NUP155: variants seen among roughly 807,000 people sequenced by gnomAD.
The protein encoded by NUP155 is nuclear pore complex protein Nup155.
A neutral mutation model predicts 180.4 loss-of-function variants in NUP155; 71 were observed. That is an observed-to-expected ratio of 0.39 (90% CI 0.33 to 0.48). The LOEUF (loss-of-function observed/expected upper bound fraction) is 0.48, where lower values mean the gene tolerates loss of function less well. Ranked by LOEUF, NUP155 falls within the 20% of genes least tolerant of loss-of-function variation. The pLI is 0.91. For synonymous variants in NUP155, 582 were observed against 559.5 expected, an observed-to-expected ratio of 1.04 and a Z score of -0.57; for missense variants, 1,553 against 1,648.9, an observed-to-expected ratio of 0.94 and a Z score of 1.01.
At chr5:37,366,858 G>T (rs1747618399) in intron 1 of NUP155, among the ~76,000 whole-genome samples, 2 of 151,838 alleles carry the variant, frequency 1.3e-5, no homozygotes, top group South Asian at 4.2e-4. Flanking sequence ...CACCGTGTTA[G>T]CCAGGATGGT....
chr5:37,368,693 G>A (rs1251158958), intron 1 of NUP155, among the ~76,000 whole-genome samples: 1 of 151,942 alleles, frequency 6.6e-6, no homozygotes, highest in Non-Finnish European at 1.5e-5. Flanking sequence ...GAACACCTAT[G>A]ATCCCAGCTA....
At chr5:37,299,139 C>G (rs2150939763) in intron 31 of NUP155, among the ~76,000 whole-genome samples, 161 bp from the exon 32 acceptor site, 1 of 152,290 alleles carries the variant, frequency 6.6e-6, no homozygotes, top group East Asian at 1.9e-4. Context: ...CTGAGATACT[C>G]TCATGTCTTA....
intron 9 of NUP155, among the ~76,000 whole-genome samples, chr5:37,343,229 C>T (rs1287616599): frequency 2.6e-5 from 4 of 152,102 alleles, no homozygotes; most frequent in Non-Finnish European, 5.9e-5. Flanking sequence ...CACCCGCCAC[C>T]ACACCTGGCT....
rs903925776 is a variant in NUP155 at position 37,330,140 on chromosome 5, A to T, written c.1630-8T>A. On this transcript the variant is annotated splice_polypyrimidine_tract_variant and splice_region_variant and intron_variant, in intron 14 of 34. Coordinates refer to ENST00000231498, the MANE Select transcript of NUP155 (RefSeq NM_153485.3). ...TGCACAAGCCTGGTCTTCCTGTGTAAAAAGAGGAATATTGGCCTTATATTA... is the reference window on the plus strand; with the variant it reads ...TGCACAAGCCTGGTCTTCCTGTGTATAAAGAGGAATATTGGCCTTATATTA... 1 of 1,598,464 alleles carries T rather than the reference A, an allele frequency of 6.3e-7. No homozygotes were observed.
intron 9 of NUP155, among the ~76,000 whole-genome samples, chr5:37,347,714 A>C (rs887755844): frequency 1.5e-5 from 2 of 137,436 alleles, no homozygotes; most frequent in African/African-American, 5.5e-5. Context: ...AAAAAAAAAA[A>C]GTCTTGGCCA....
At chr5:37,359,309 C>T (rs1435359552) in intron 3 of NUP155, among the ~76,000 whole-genome samples, 1 of 151,740 alleles carries the variant, frequency 6.6e-6, no homozygotes, top group Non-Finnish European at 1.5e-5. Context: ...TAGGGAAATA[C>T]AAAAATAGAA....
chr5:37,354,820 GGT>G (rs1295951106), intron 4 of NUP155, among the ~76,000 whole-genome samples: 1 of 151,950 alleles, frequency 6.6e-6, no homozygotes, highest in Non-Finnish European at 1.5e-5. Context: ...GGCTGGGCGT[GGT>G]GGCTCACGCC....
At chr5:37,365,300 A>G (rs1025258919) in intron 1 of NUP155, among the ~76,000 whole-genome samples, 19 of 152,082 alleles carry the variant, frequency 1.2e-4, no homozygotes, top group African/African-American at 4.6e-4. Context: ...GAAAGCATGT[A>G]ATTGTATTGT....
chr5:37,334,061 A>G (rs1472049307), intron 12 of NUP155, among the ~76,000 whole-genome samples: 1 of 151,118 alleles, frequency 6.6e-6, no homozygotes, highest in Non-Finnish European at 1.5e-5. Flanking sequence ...TCGGCCTCCC[A>G]AAGCGCTGGG....
chr5:37,337,629 A>G (rs1419052036), intron 12 of NUP155, among the ~76,000 whole-genome samples, 189 bp downstream of exon 12: 1 of 152,126 alleles, frequency 6.6e-6, no homozygotes, highest in Non-Finnish European at 1.5e-5. Context: ...TTTTTTTGTG[A>G]TTACCACAGT....
At position 37,298,935 on chromosome 5, in the gene NUP155, A is replaced by G; in HGVS notation, c.3726T>C (p.His1242=). 3.1e-6 allele frequency: 5 copies of G among 1,613,408 alleles called. No individual in the cohort carries two copies. Among genetic ancestry groups the G allele is most frequent in the Non-Finnish European group, 4.2e-6 (5 of 1,179,322 alleles). Residue 1242 remains histidine (H), a synonymous_variant, in exon 32 of 35, where the codon CAT becomes CAC. Transcript: ENST00000231498. ...GGAGAACAATCTTGAGACTAAGAGC[A>G]TGCATTCTATCCGAGGAGCTCAATG... The part of the protein sequence containing the change: ...SVTLSSSDRM[H]ALSLKIVLLG...
At chr5:37,299,014 T>C in intron 31 of NUP155, 36 bp from the exon 32 acceptor site, 1 of 1,182,268 alleles carries the variant, frequency 8.5e-7, no homozygotes, top group Non-Finnish European at 1.3e-6. Flanking sequence ...AAACCCAAAT[T>C]ACTTTTAATG....
rs868542942 is a variant in NUP155, at chr5:37,370,517, C to T, written c.157+304G>A. The T allele has an allele frequency of 4.8e-5, 28 of 581,500 alleles. 2 individuals carry two copies. Among genetic ancestry groups the T allele is most frequent in the Middle Eastern group, 5.3e-4 (1 of 1,876 alleles). The allele number at this position is 581,500 out of a possible 1,614,324, so 36.0% of individuals were successfully genotyped here. On this transcript the variant is annotated intron_variant, in intron 1 of 34. Transcript: ENST00000231498. ...TTGGGACTTGGATCTGGAGATGCTT[C>T]TCATATGGCCTTAGCCATAAGCACT...
intron 21 of NUP155, among the ~76,000 whole-genome samples, chr5:37,316,650 A>C (rs1474495510): frequency 3.3e-5 from 5 of 151,724 alleles, no homozygotes; most frequent in Non-Finnish European, 7.4e-5. Context: ...TTTTTGGTAG[A>C]GATGGGGTTT....
At chr5:37,317,925 T>C in intron 21 of NUP155, 63 bp downstream of exon 21, 2 of 872,508 alleles carry the variant, frequency 2.3e-6, no homozygotes, top group South Asian at 2.6e-5. Context: ...CATTGTTTTC[T>C]ATTCAAGTAA....
intron 29 of NUP155, 66 bp downstream of exon 29, chr5:37,302,713 T>C: frequency 2.6e-6 from 4 of 1,530,002 alleles, no homozygotes; most frequent in South Asian, 1.1e-5. Context: ...AAGGGAAGAA[T>C]GGAATGTGGA....
At chr5:37,319,480 T>A (rs922603736) in intron 20 of NUP155, among the ~76,000 whole-genome samples, 1 of 152,220 alleles carries the variant, frequency 6.6e-6, no homozygotes, top group Non-Finnish European at 1.5e-5. Flanking sequence ...GATATGATCA[T>A]CTCTGTAAAA....
At chr5:37,297,754 T>C (rs1320030936) in intron 32 of NUP155, among the ~76,000 whole-genome samples, 1 of 152,060 alleles carries the variant, frequency 6.6e-6, no homozygotes, top group Non-Finnish European at 1.5e-5. Context: ...ATAAAGTATG[T>C]ATTTGCTCTT....
intron 4 of NUP155, among the ~76,000 whole-genome samples, chr5:37,355,578 T>TTTGG (rs1746769984): frequency 7.5e-6 from 1 of 133,390 alleles, no homozygotes; most frequent in African/African-American, 2.8e-5. Flanking sequence ...TATTTGTTTG[T>TTTGG]TTGTTTGTTT....
Sources: gnomAD v4.1 joint callset for allele counts (sites outside exome capture counted in the v4.1 genomes callset) on GRCh38, gnomAD v4.1.1 for gene constraint, MANE v1.5 for transcripts, NCBI Gene and HGNC (gene_info 2026-07-23, HGNC 2026-07-21) for gene names.